Variants in AMZ1 observed in about 807,000 individuals in gnomAD.
The protein encoded by AMZ1 is archaemetzincin-1.
Under a neutral mutation model 29.9 loss-of-function variants are expected in AMZ1, and 39 were observed. The ratio of observed to expected loss-of-function variants is 1.30; its 90% CI spans 1.01 to 1.70. The LOEUF (loss-of-function observed/expected upper bound fraction) is 1.70, where lower values mean the gene tolerates loss of function less well. Ranked by LOEUF, AMZ1 falls within the 40% of genes most tolerant of loss-of-function variation. The pLI is 0.00. For missense variants in AMZ1, 1,041 were observed against 680.6 expected (o/e 1.53, Z -5.89); for synonymous variants, 458 against 304.0 (o/e 1.51, Z -5.27).
At chr7:2,686,801 G>A (rs1473023093), upstream of AMZ1, among the ~76,000 whole-genome samples, 4 of 151,608 alleles carry the variant, frequency 2.6e-5, no homozygotes, top group African/African-American at 4.8e-5. Flanking sequence ...TGCAACCTCC[G>A]CCTCCCGGGT....
At chr7:2,721,162 C>G (rs910464957), downstream of AMZ1, among the ~76,000 whole-genome samples, 1 of 152,186 alleles carries the variant, frequency 6.6e-6, no homozygotes, top group Non-Finnish European at 1.5e-5. Flanking sequence ...GGAGGAAGAG[C>G]AACCCAGGAC....
intron 1 of AMZ1, among the ~76,000 whole-genome samples, chr7:2,689,372 G>C (rs1044491746): frequency 8.6e-5 from 13 of 151,896 alleles, no homozygotes; most frequent in East Asian, 3.9e-4. Flanking sequence ...AACCTCCCTG[G>C]GGGGGGGATG....
Position 2,682,100 on chromosome 7 carries a change from C to T in AMZ1, c.-219+2429C>T, listed in dbSNP as rs113739531. Among the ~76,000 whole-genome samples the T allele has an allele frequency of 7.7e-3, 1,176 of 152,282 alleles. 9 individuals are homozygous for T. Among genetic ancestry groups the T allele is most frequent in the Middle Eastern group, 0.014 (4 of 294 alleles). Reference sequence around the variant, plus strand: ...ACAAGGGCTTTCAGAGCTGGGGACCCGACGTGAATACTAATCCAGAAGCTC... The same window carrying T: ...ACAAGGGCTTTCAGAGCTGGGGACCTGACGTGAATACTAATCCAGAAGCTC... On this transcript the variant is annotated intron_variant, in intron 1 of 6. Coordinates refer to the AMZ1 transcript ENST00000312371.
rs1202934068 is a variant in AMZ1, at chr7:2,755,351, C to G, written n.551-9361C>G. On this transcript the variant is annotated intron_variant and non_coding_transcript_variant, in intron 4 of 4. Transcript: ENST00000489665. ...AATCTGTGTATCAATCAGGGGAGAA[C>G]AGACATCTTGACAGCACTGAGTTTT... Among the ~76,000 whole-genome samples the G allele has an allele frequency of 2.6e-5, 4 of 152,238 alleles. No individual in the cohort carries two copies. In the East Asian group the frequency reaches 5.8e-4, roughly 22 times the overall value.
intron 4 of AMZ1, among the ~76,000 whole-genome samples, chr7:2,726,020 G>C (rs996341334): frequency 1.3e-5 from 2 of 152,188 alleles, no homozygotes; most frequent in African/African-American, 4.8e-5. Flanking sequence ...ATCTCTCCCC[G>C]GGGCTGCTGT....
chr7:2,683,050 G>A (rs981344624), intron 1 of AMZ1, among the ~76,000 whole-genome samples: 15 of 152,224 alleles, frequency 9.9e-5, no homozygotes, highest in Non-Finnish European at 1.9e-4. Context: ...TCTGTGGCTC[G>A]AGTTTGCTGG....
chr7:2,725,389 C>A (rs1670930690), intron 4 of AMZ1, among the ~76,000 whole-genome samples: 1 of 152,242 alleles, frequency 6.6e-6, no homozygotes, highest in South Asian at 2.1e-4. Context: ...GAGCAGTGAC[C>A]TGTGTCTGAA....
chr7:2,736,548 A>C (rs1004132009), intron 4 of AMZ1, among the ~76,000 whole-genome samples: 1 of 152,152 alleles, frequency 6.6e-6, no homozygotes, highest in Non-Finnish European at 1.5e-5. Context: ...GTCTGTTTCA[A>C]GCAGCAGCAG....
chr7:2,728,577 T>G (rs929896669), intron 4 of AMZ1: 1 of 152,626 alleles, frequency 6.6e-6, no homozygotes, highest in African/African-American at 2.4e-5. Flanking sequence ...AGGAACTTTA[T>G]TGTTACATTT....
intron 4 of AMZ1, among the ~76,000 whole-genome samples, chr7:2,751,847 C>G (rs1261921377): frequency 6.6e-6 from 1 of 152,140 alleles, no homozygotes; most frequent in Non-Finnish European, 1.5e-5. Flanking sequence ...CTTTAAAAGA[C>G]TGGATTTGTT....
Position 2,717,722 on chromosome 7 carries a change from C to T in AMZ1, c.*4844C>T, listed in dbSNP as rs1445561953. ...GATGCAGATCGCGGGTGGAGACGGCCGGCCGAGCCTTCCCTTTTCTGACAT... is the reference window on the plus strand; with the variant it reads ...GATGCAGATCGCGGGTGGAGACGGCTGGCCGAGCCTTCCCTTTTCTGACAT... On this transcript the variant is annotated 3_prime_UTR_variant, in exon 7 of 7. Coordinates refer to ENST00000683327, the MANE Select transcript of AMZ1 (RefSeq NM_001384743.1). Among the ~76,000 whole-genome samples, 3 of 152,140 alleles carry T rather than the reference C, an allele frequency of 2.0e-5. No individual in the cohort carries two copies. The highest frequency in any genetic ancestry group is 1.3e-4 in the Admixed American group (2 of 15,278).
upstream of AMZ1, among the ~76,000 whole-genome samples, chr7:2,760,791 C>T (rs1050109336): frequency 1.3e-5 from 2 of 152,234 alleles, no homozygotes; most frequent in Non-Finnish European, 2.9e-5. Flanking sequence ...ACTGCTGGAC[C>T]GTCCCAGCTG....
chr7:2,754,508 C>G (rs10215950), intron 4 of AMZ1, among the ~76,000 whole-genome samples: 3,309 of 151,834 alleles, frequency 0.022, 100 homozygotes, highest in African/African-American at 0.07. Flanking sequence ...TTTGGGAGGC[C>G]AGGGCAGGAA....
At position 2,712,663 on chromosome 7, in the gene AMZ1, G is replaced by C; in HGVS notation, c.1282G>C (p.Val428Leu). The C allele has an allele frequency of 6.2e-7, 1 of 1,613,104 alleles. No individual in the cohort carries two copies. Residue 428 changes from valine (V) to leucine (L), a missense_variant, in exon 7 of 7, where the codon GTG becomes CTG. Physicochemically the swap from Val to Leu is conservative, Grantham distance 32. Transcript: ENST00000683327. ...GCGGGAAGTGGCAGAGGAGGACCTG[G>C]TGCAGGTGGACAGAGCCGTGGACGC... The part of the protein sequence containing the change: ...LQREVAEEDL[V>L]QVDRAVDALD...
In AMZ1 at chr7:2,712,721, T is replaced by C; in HGVS notation, c.1340T>C (p.Leu447Pro). ...CGCTGGGAGATGTTCACGGGCCAGC[T>C]CCCGGCCACCAGGCAGGACCCACCC... The part of the protein sequence containing the change: ...LDRWEMFTGQ[L>P]PATRQDPPSS... The change falls in exon 7 of 7, where the codon CTC becomes CCC. Residue 447 changes from leucine (L) to proline (P), a missense_variant. By Grantham distance (98) the Leu-to-Pro change is moderately conservative (BLOSUM62 -3). Transcript: ENST00000683327. 6.2e-7 allele frequency: 1 copy of C among 1,609,236 alleles called. No individual in the cohort carries two copies. The highest frequency in any genetic ancestry group is 8.5e-7 in the Non-Finnish European group (1 of 1,177,794).
At position 2,737,320 on chromosome 7, in the gene AMZ1, G is replaced by A. The variant is rs189597859; in HGVS notation, n.551-27392G>A. ...TTTTTTTTTTTTGAGATGGAGTCTC[G>A]CCCTGTCGCCCCGGCTGGAGTGCAG... On this transcript the variant is annotated intron_variant and non_coding_transcript_variant, in intron 4 of 4. Coordinates refer to the AMZ1 transcript ENST00000489665. 7.6e-4 allele frequency among the ~76,000 whole-genome samples: 85 copies of A among 111,936 alleles called. No individual in the cohort carries two copies. In the East Asian group the frequency reaches 0.015, roughly 20 times the overall value. The allele number at this position is 111,936 out of a possible 152,430, so 73.4% of individuals were successfully genotyped here.
chr7:2,708,121 C>T (rs1051246184), intron 3 of AMZ1, among the ~76,000 whole-genome samples: 1 of 152,292 alleles, frequency 6.6e-6, no homozygotes, highest in South Asian at 2.1e-4. Flanking sequence ...CTGTGCCCGG[C>T]CTTACCGAGG....
At chr7:2,726,908 C>T (rs1294046739) in intron 4 of AMZ1, among the ~76,000 whole-genome samples, 2 of 152,204 alleles carry the variant, frequency 1.3e-5, no homozygotes, top group African/African-American at 4.8e-5. Context: ...CTCCACCTGC[C>T]ATCCCCATGG....
downstream of AMZ1, among the ~76,000 whole-genome samples, chr7:2,720,142 G>GAGCTTTCCGTGCAAAGCGC (rs1444958357): frequency 6.6e-6 from 1 of 152,242 alleles, no homozygotes. Context: ...CACTGCTGCA[G>GAGCTTTCCGTGCAAAGCGC]AGCTTTCCGT....
Sources: allele counts gnomAD v4.1 joint callset (sites outside exome capture counted in the v4.1 genomes callset), GRCh38; gene constraint gnomAD v4.1.1; transcripts MANE v1.5; gene names NCBI Gene and HGNC (gene_info 2026-07-23, HGNC 2026-07-21).